Variants in TTYH3 observed in about 807,000 individuals in gnomAD.
TTYH3 encodes protein tweety homolog 3.
TTYH3 carries 23 observed loss-of-function variants against 68.2 expected under a neutral mutation model. The ratio of observed to expected loss-of-function variants is 0.34; its 90% CI spans 0.24 to 0.48. TTYH3 has a LOEUF of 0.48. Ranked by LOEUF, TTYH3 falls within the 20% of genes least tolerant of loss-of-function variation. TTYH3 has a pLI of 0.99. For synonymous variants in TTYH3, 360 were observed against 332.8 expected (o/e 1.08, Z -0.89); for missense variants, 768 against 727.7 (o/e 1.06, Z -0.64).
At chr7:2,653,049 T>C (rs1786233734) in intron 9 of TTYH3, 39 bp downstream of exon 9, 1 of 1,517,510 alleles carries the variant, frequency 6.6e-7, no homozygotes, top group Non-Finnish European at 9.0e-7. Flanking sequence ...CAGGCAGGGC[T>C]CCTCTTTTCT....
At position 2,656,382 on chromosome 7, in the gene TTYH3, C is replaced by G. The variant is rs1428754126; in HGVS notation, c.1114-16C>G. ...TCCCTGTCTCTGGATCCTGCCATCT[C>G]ATCCCACGGCCTCAGGACTACGTGC... is the stretch of plus-strand genomic sequence containing the variant. On this transcript the variant is annotated splice_polypyrimidine_tract_variant and intron_variant, in intron 10 of 13. Transcript: ENST00000258796. The G allele has an allele frequency of 1.2e-6, 2 of 1,602,424 alleles. No homozygotes were observed. Among genetic ancestry groups the G allele is most frequent in the Admixed American group, 1.7e-5 (1 of 58,944 alleles).
intron 5 of TTYH3, among the ~76,000 whole-genome samples, chr7:2,648,953 T>C (rs1786081532): frequency 7.3e-6 from 1 of 137,562 alleles, no homozygotes; most frequent in Non-Finnish European, 1.6e-5. Context: ...CGCAGTGGGG[T>C]GTGGGGCCCG....
intron 13 of TTYH3, among the ~76,000 whole-genome samples, chr7:2,659,461 A>G (rs1786430809): frequency 2.0e-5 from 3 of 152,204 alleles, no homozygotes. Flanking sequence ...CCACCGCTCC[A>G]GTTCCCAGGG....
chr7:2,646,044 C>T (rs1456594872), intron 1 of TTYH3, among the ~76,000 whole-genome samples: 5 of 151,524 alleles, frequency 3.3e-5, no homozygotes, highest in African/African-American at 4.9e-5. Flanking sequence ...GACAGTGTCT[C>T]GCTCTTGTCG....
chr7:2,643,187 C>G (rs1313827250), intron 1 of TTYH3, among the ~76,000 whole-genome samples: 1 of 150,280 alleles, frequency 6.7e-6, no homozygotes, highest in Non-Finnish European at 1.5e-5. Context: ...AACCCTGTCT[C>G]TATTAAAAAT....
At chr7:2,635,521 C>T (rs560157915) in intron 1 of TTYH3, among the ~76,000 whole-genome samples, 1 of 152,336 alleles carries the variant, frequency 6.6e-6, no homozygotes, top group East Asian at 1.9e-4. Context: ...AGATGCAGGA[C>T]AACAGCTACG....
chr7:2,651,133 G>A (rs1246390291), intron 7 of TTYH3, among the ~76,000 whole-genome samples: 1 of 152,044 alleles, frequency 6.6e-6, no homozygotes. Flanking sequence ...TGGAGATCGG[G>A]GTGCCGTCAG....
At chr7:2,643,267 A>G (rs759933223) in intron 1 of TTYH3, among the ~76,000 whole-genome samples, 2 of 150,340 alleles carry the variant, frequency 1.3e-5, no homozygotes, top group Non-Finnish European at 1.5e-5. Context: ...AGGCAGGAGA[A>G]TGGCGTGAAC....
intron 1 of TTYH3, among the ~76,000 whole-genome samples, chr7:2,637,870 G>C (rs1428164774): frequency 1.3e-5 from 2 of 152,204 alleles, no homozygotes; most frequent in Non-Finnish European, 2.9e-5. Flanking sequence ...GAGTCCTGTG[G>C]GGCAGCACCC....
At position 2,656,200 on chromosome 7, in the gene TTYH3, T is replaced by C. The variant is rs1786329335; in HGVS notation, c.1113+16T>C. ...CCTGCATCTGGTGAGAGGCAGGGCCTGGGACAGGGCCATGGCAGCTTGTAG... is the reference window on the plus strand; with the variant it reads ...CCTGCATCTGGTGAGAGGCAGGGCCCGGGACAGGGCCATGGCAGCTTGTAG... On this transcript the variant is annotated intron_variant, in intron 10 of 13. Transcript: ENST00000258796. 7 of 1,561,024 alleles carry C rather than the reference T, an allele frequency of 4.5e-6. No individual in the cohort carries two copies. Among genetic ancestry groups the C allele is most frequent in the Non-Finnish European group, 6.1e-6 (7 of 1,152,340 alleles).
rs754109257 is a variant in TTYH3 at position 2,652,219 on chromosome 7, C to T, written c.904C>T (p.Arg302Cys). 12 of 1,612,860 alleles carry T rather than the reference C, an allele frequency of 7.4e-6. No individual in the cohort carries two copies. Among genetic ancestry groups the T allele is most frequent in the East Asian group, 2.2e-5 (1 of 44,896 alleles). ...ILQYYLACSP[R>C]AANPFQQKLS... Reference sequence around the variant, plus strand: ...GCAGTACTACCTGGCCTGCTCGCCCCGCGCCGCCAACCCCTTCCAGCAGGT... The same window carrying T: ...GCAGTACTACCTGGCCTGCTCGCCCTGCGCCGCCAACCCCTTCCAGCAGGT... Residue 302 changes from arginine (R) to cysteine (C), a missense_variant, in exon 8 of 14, where the codon CGC becomes TGC. Arg to Cys is a radical substitution (Grantham distance 180). Transcript: ENST00000258796.
chr7:2,654,367 C>G (rs1370048223), intron 9 of TTYH3, among the ~76,000 whole-genome samples: 1 of 152,134 alleles, frequency 6.6e-6, no homozygotes, highest in Non-Finnish European at 1.5e-5. Context: ...TTCACCCCAG[C>G]CTGGGCAACA....
Position 2,658,538 on chromosome 7 carries a change from C to T in TTYH3, c.1424+79C>T, listed in dbSNP as rs1170787681. The T allele has an allele frequency of 3.9e-5, 59 of 1,496,346 alleles. No individual in the cohort carries two copies. The East Asian group carries it at 7.8e-4, about 20-fold the overall frequency. The allele number at this position is 1,496,346 out of a possible 1,614,324, so 92.7% of individuals were successfully genotyped here. ...GCGCGGATCTGGGCTGGGGCTAGCT[C>T]GAGGCAAGGGGCTGGAGAAGGGGCG... On this transcript the variant is annotated intron_variant, in intron 12 of 13. Transcript: ENST00000258796.
At chr7:2,633,011 GC>G (rs1562704341) in intron 1 of TTYH3, among the ~76,000 whole-genome samples, 1 of 152,188 alleles carries the variant, frequency 6.6e-6, no homozygotes, top group Non-Finnish European at 1.5e-5. Context: ...CTGAGCCCAG[GC>G]AGACCTGGGG....
At chr7:2,652,880 C>A in intron 8 of TTYH3, 38 bp from the exon 9 acceptor site, 1 of 1,502,754 alleles carries the variant, frequency 6.7e-7, no homozygotes, top group Non-Finnish European at 9.0e-7. Context: ...CGGGCGGACC[C>A]AGCAGCGCCC....
intron 1 of TTYH3, among the ~76,000 whole-genome samples, chr7:2,640,596 C>A (rs1010825524): frequency 6.6e-6 from 1 of 152,222 alleles, no homozygotes; most frequent in African/African-American, 2.4e-5. Flanking sequence ...GGCCCTCCCA[C>A]CTTGGCAGCC....
chr7:2,649,055 G>T (rs1050743160), intron 5 of TTYH3, among the ~76,000 whole-genome samples: 2 of 151,970 alleles, frequency 1.3e-5, no homozygotes, highest in Non-Finnish European at 2.9e-5. Context: ...AGTGGGGTAT[G>T]CACAGGAGGC....
intron 10 of TTYH3, 72 bp downstream of exon 10, chr7:2,656,256 G>C (rs1194384884): frequency 5.0e-5 from 78 of 1,557,910 alleles, no homozygotes; most frequent in Non-Finnish European, 4.0e-5. Context: ...TGTTCGGGAG[G>C]ATGGGGACCC....
chr7:2,642,607 G>A (rs1785877927), intron 1 of TTYH3, among the ~76,000 whole-genome samples: 1 of 151,172 alleles, frequency 6.6e-6, no homozygotes, highest in Non-Finnish European at 1.5e-5. Context: ...ATGTGCCTGT[G>A]GTCCAAGCTA....
Sources: allele counts gnomAD v4.1 joint callset (sites outside exome capture counted in the v4.1 genomes callset), GRCh38; gene constraint gnomAD v4.1.1; transcripts MANE v1.5; gene names NCBI Gene and HGNC (gene_info 2026-07-23, HGNC 2026-07-21).